DPH5: variants seen among roughly 807,000 people sequenced by gnomAD.
The protein encoded by DPH5 is diphthine methyl ester synthase.
DPH5 carries 31 observed loss-of-function variants against 31.6 expected under a neutral mutation model. That is an observed-to-expected ratio of 0.98 (90% CI 0.74 to 1.32). The LOEUF is 1.32. Among genes scored for constraint, DPH5 ranks in the 40% most tolerant of loss-of-function variants. The pLI is 0.00. For synonymous variants in DPH5, 120 were observed against 115.0 expected (o/e 1.04, Z -0.28); for missense variants, 309 against 335.7 (o/e 0.92, Z 0.62).
At chr1:100,999,858 T>C (rs1035203658) in intron 5 of DPH5, among the ~76,000 whole-genome samples, 1 of 146,070 alleles carries the variant, frequency 6.8e-6, no homozygotes, top group Non-Finnish European at 1.5e-5. Context: ...AAAAATAAAA[T>C]AAAAGGCCGA....
At chr1:101,024,761 A>C (rs1345208097) in intron 2 of DPH5, among the ~76,000 whole-genome samples, 1 of 152,234 alleles carries the variant, frequency 6.6e-6, no homozygotes, top group Non-Finnish European at 1.5e-5. Flanking sequence ...GTAAGTGTAT[A>C]CTCATACATT....
intron 2 of DPH5, 72 bp from the exon 3 acceptor site, chr1:101,021,837 C>CAA: frequency 7.6e-7 from 1 of 1,320,514 alleles, no homozygotes; most frequent in Non-Finnish European, 1.0e-6. Flanking sequence ...CACACACACA[C>CAA]ACACACACAC....
rs746311294 is a variant in DPH5 at position 100,992,097 on chromosome 1, C to CA, written c.634+539dup. On this transcript the variant is annotated intron_variant, in intron 7 of 7. Transcript: ENST00000370109. ...TGCGTGACAAAGTGAGACCCTCTCTCAAAAAAAAAAAAAAGAACCTCCCAT... is the reference window on the plus strand; with the variant it reads ...TGCGTGACAAAGTGAGACCCTCTCTCAAAAAAAAAAAAAAAGAACCTCCCAT... 3.5e-3 allele frequency among the ~76,000 whole-genome samples: 427 copies of CA among 120,316 alleles called. 2 individuals carry two copies. Among genetic ancestry groups the CA allele is most frequent in the Middle Eastern group, 4.6e-3 (1 of 218 alleles). 78.9% of individuals were successfully genotyped at this position (120,316 alleles called of 152,430 possible). A position where few individuals can be genotyped will look rare whatever the true frequency, so the allele number is the denominator to read the frequency against.
chr1:101,002,045 T>C (rs1278997598), intron 4 of DPH5, among the ~76,000 whole-genome samples: 1 of 152,164 alleles, frequency 6.6e-6, no homozygotes, highest in African/African-American at 2.4e-5. Flanking sequence ...AATAAACACT[T>C]AAATCTAGCC....
At position 101,015,476 on chromosome 1, in the gene DPH5, A is replaced by C. The variant is rs562218323; in HGVS notation, c.261-1658T>G. On this transcript the variant is annotated intron_variant, in intron 3 of 7. Transcript: ENST00000370109. Reference sequence around the variant, plus strand: ...GCTGTAAACAGATGTGCTGTCATTCAGCTTTTCTTGTTCCACTTACAGCGC... The same window carrying C: ...GCTGTAAACAGATGTGCTGTCATTCCGCTTTTCTTGTTCCACTTACAGCGC... Among the ~76,000 whole-genome samples, 8 of 152,354 alleles carry C rather than the reference A, an allele frequency of 5.3e-5. No individual in the cohort carries two copies. In the South Asian group the frequency reaches 1.7e-3, roughly 32 times the overall value.
At chr1:100,992,065 TC>T (rs1657793475) in intron 7 of DPH5, among the ~76,000 whole-genome samples, 1 of 149,944 alleles carries the variant, frequency 6.7e-6, no homozygotes, top group African/African-American at 2.5e-5. Flanking sequence ...GCCTCTGCAC[TC>T]CAGCCTGCGT....
intron 5 of DPH5, among the ~76,000 whole-genome samples, chr1:100,998,282 G>A (rs981327453): frequency 2.6e-5 from 4 of 152,018 alleles, no homozygotes; most frequent in African/African-American, 9.7e-5. Flanking sequence ...AGGTTGAGAC[G>A]GGCAGATCAC....
At chr1:101,004,085 T>C (rs1659057219) in intron 4 of DPH5, among the ~76,000 whole-genome samples, 1 of 152,200 alleles carries the variant, frequency 6.6e-6, no homozygotes, top group Non-Finnish European at 1.5e-5. Context: ...AAGCATTTTG[T>C]GTAGCAGTGT....
At chr1:100,990,753 C>T in intron 7 of DPH5, 122 bp from the exon 8 acceptor site, 2 of 877,744 alleles carry the variant, frequency 2.3e-6, no homozygotes, top group South Asian at 1.7e-5. Context: ...ATCTCTTTTG[C>T]CACTTATGGA....
chr1:101,001,392 C>A (rs1257921343), intron 5 of DPH5, 75 bp downstream of exon 5: 22 of 1,481,624 alleles, frequency 1.5e-5, no homozygotes, highest in African/African-American at 4.2e-5. Context: ...TATCCACAGA[C>A]CTTAACACAA....
At position 101,000,155 on chromosome 1, in the gene DPH5, A is replaced by G. The variant is rs146075419; in HGVS notation, c.490+1312T>C. 1.1e-3 allele frequency among the ~76,000 whole-genome samples: 170 copies of G among 152,276 alleles called. 3 individuals are homozygous for G. The East Asian group carries it at 0.024, about 22-fold the overall frequency. ...GATTGAGACTCTGTCTTGAAAAAAA[A>G]AAAGTGGCAAACAGAAATCTTGTCT... On this transcript the variant is annotated intron_variant, in intron 5 of 7. Transcript: ENST00000370109.
At chr1:101,021,816 T>TC (rs754935146) in intron 2 of DPH5, 51 bp from the exon 3 acceptor site, 80 of 1,091,516 alleles carry the variant, frequency 7.3e-5, no homozygotes, top group East Asian at 5.4e-4. Flanking sequence ...GTGACCATTC[T>TC]AACACACACA....
At chr1:101,009,509 A>C (rs1240160893) in intron 4 of DPH5, among the ~76,000 whole-genome samples, 1 of 152,030 alleles carries the variant, frequency 6.6e-6, no homozygotes. Context: ...CCAAATCTCA[A>C]TTCTCTTAAT....
intron 5 of DPH5, among the ~76,000 whole-genome samples, chr1:101,000,711 C>T (rs773740538): frequency 2.7e-4 from 41 of 152,080 alleles, no homozygotes; most frequent in African/African-American, 5.3e-4. Context: ...TCTTTGATAC[C>T]AGTATTTCTT....
Position 100,992,697 on chromosome 1 carries a change from G to A in DPH5, c.574C>T (p.Gln192Ter). Reference protein sequence around the residue: ...YEPPRYMSVNQAAQQLLEIVQ... With the variant: ...YEPPRYMSVN ...ATCTCCAGAAGCTGCTGGGCTGCTT[G>A]GTTTACACTCATATACCGTGGAGGT... Residue 192 changes from glutamine to a stop codon, truncating the protein, a stop_gained, in exon 7 of 8, where the codon CAA (glutamine) becomes TAA (stop). Transcript: ENST00000370109. LOFTEE classifies it high-confidence loss of function. The A allele has an allele frequency of 1.9e-6, 3 of 1,613,854 alleles. No individual in the cohort carries two copies. Among genetic ancestry groups the A allele is most frequent in the Non-Finnish European group, 2.5e-6 (3 of 1,179,902 alleles).
In DPH5 at chr1:101,018,731, A is replaced by G. The variant is rs189563083; in HGVS notation, c.260+2910T>C. ...TTTATTCTACAAAATGTCCATGTCC[A>G]CACCTTTTGATATTTTATTCCTAAA... On this transcript the variant is annotated intron_variant, in intron 3 of 7. Transcript: ENST00000370109. Among the ~76,000 whole-genome samples the G allele has an allele frequency of 9.7e-4, 148 of 152,338 alleles. 1 individual carries two copies. Among genetic ancestry groups the G allele is most frequent in the African/African-American group, 3.5e-3 (145 of 41,568 alleles).
chr1:100,999,697 G>T (rs1487306818), intron 5 of DPH5, among the ~76,000 whole-genome samples: 3 of 151,882 alleles, frequency 2.0e-5, no homozygotes, highest in Non-Finnish European at 4.4e-5. Flanking sequence ...AAATTAGCCG[G>T]GTGTGGTGTC....
At chr1:101,025,191 G>A in intron 2 of DPH5, 118 bp downstream of exon 2, 1 of 1,243,070 alleles carries the variant, frequency 8.0e-7, no homozygotes, top group Non-Finnish European at 1.1e-6. Context: ...TAATGAACAA[G>A]GGATGCGTTT....
intron 4 of DPH5, among the ~76,000 whole-genome samples, chr1:101,010,539 A>G (rs888132920): frequency 2.0e-5 from 3 of 152,240 alleles, no homozygotes; most frequent in African/African-American, 7.2e-5. Context: ...AAACAACAGA[A>G]TAGTTCAAAG....
Sources: gnomAD v4.1 joint callset for allele counts (sites outside exome capture counted in the v4.1 genomes callset) on GRCh38, gnomAD v4.1.1 for gene constraint, MANE v1.5 for transcripts, NCBI Gene and HGNC (gene_info 2026-07-23, HGNC 2026-07-21) for gene names.